The following KIAA0825 variants were observed in gnomAD, a reference collection of about 807,000 sequenced individuals.
KIAA0825 encodes uncharacterized protein KIAA0825.
In KIAA0825, 119 loss-of-function variants were observed where a neutral mutation model predicts 147.6. That is an observed-to-expected ratio of 0.81 (90% confidence interval 0.69 to 0.94). The LOEUF is 0.94. Among genes scored for constraint, KIAA0825 ranks in the 40% least tolerant of loss-of-function variants. The pLI, the probability that KIAA0825 is intolerant of heterozygous loss-of-function variation, is 0.00. For missense variants in KIAA0825, 1,381 were observed against 1,472.7 expected (o/e 0.94, Z 1.02); for synonymous variants, 470 against 518.1 (o/e 0.91, Z 1.26).
chr5:94,257,214 G>C (rs1355133980), intron 20 of KIAA0825, among the ~76,000 whole-genome samples: 2 of 152,090 alleles, frequency 1.3e-5, no homozygotes, highest in Non-Finnish European at 2.9e-5. Context: ...CTTCTAGGAA[G>C]TAGTTTGCTA....
chr5:94,396,611 G>T (rs942536368), intron 16 of KIAA0825, 102 bp from the exon 17 acceptor site: 7 of 959,870 alleles, frequency 7.3e-6, no homozygotes, highest in Non-Finnish European at 1.0e-5. Flanking sequence ...GGAGAAAATT[G>T]GCAAGAAGAT....
intron 13 of KIAA0825, among the ~76,000 whole-genome samples, chr5:94,443,471 T>C (rs1757362948): frequency 6.6e-6 from 1 of 152,002 alleles, no homozygotes; most frequent in Non-Finnish European, 1.5e-5. Context: ...TCATAAATCT[T>C]GTACTAGGAG....
intron 14 of KIAA0825, among the ~76,000 whole-genome samples, chr5:94,423,557 C>T (rs1184654054): frequency 1.3e-5 from 2 of 152,118 alleles, no homozygotes; most frequent in Non-Finnish European, 2.9e-5. Flanking sequence ...CTTTCCCAGC[C>T]TGCTTAATTT....
At chr5:94,511,642 A>G (rs1464078923) in intron 5 of KIAA0825, among the ~76,000 whole-genome samples, 3 of 151,920 alleles carry the variant, frequency 2.0e-5, no homozygotes, top group Non-Finnish European at 4.4e-5. Flanking sequence ...ACAAAAACAA[A>G]AAACAGTGAA....
At chr5:94,529,985 T>A (rs1186933860) in intron 3 of KIAA0825, among the ~76,000 whole-genome samples, 1 of 152,052 alleles carries the variant, frequency 6.6e-6, no homozygotes, top group Non-Finnish European at 1.5e-5. Context: ...AAAATGGACT[T>A]ACTAGCTGGG....
chr5:94,287,268 A>G (rs1468598823), intron 20 of KIAA0825, among the ~76,000 whole-genome samples: 1 of 152,166 alleles, frequency 6.6e-6, no homozygotes, highest in Non-Finnish European at 1.5e-5. Context: ...GTAGCTATCA[A>G]CATAATACAA....
intron 16 of KIAA0825, 145 bp from the exon 17 acceptor site, chr5:94,396,654 C>T (rs187231739): frequency 7.2e-6 from 4 of 557,966 alleles, no homozygotes; most frequent in African/African-American, 2.0e-5. Flanking sequence ...AGAACTCTAA[C>T]CGGGGTCTCT....
chr5:94,207,466 T>G (rs1772310376), intron 20 of KIAA0825, among the ~76,000 whole-genome samples: 1 of 152,198 alleles, frequency 6.6e-6, no homozygotes, highest in African/African-American at 2.4e-5. Context: ...CAATGCCTAC[T>G]CCTCATCAAG....
chr5:94,424,656 A>G (rs984632226), intron 14 of KIAA0825, among the ~76,000 whole-genome samples: 3 of 152,160 alleles, frequency 2.0e-5, no homozygotes, highest in Non-Finnish European at 4.4e-5. Flanking sequence ...TGAAGGAAAG[A>G]AATCATAAAG....
intron 5 of KIAA0825, among the ~76,000 whole-genome samples, chr5:94,517,687 T>A (rs1767477108): frequency 6.6e-6 from 1 of 150,842 alleles, no homozygotes; most frequent in African/African-American, 2.4e-5. Context: ...TAAATTTAAA[T>A]AAATTAAATT....
In KIAA0825 at chr5:94,152,934, A is replaced by G. The variant is rs1306288270; in HGVS notation, c.*1073T>C. ...CTCCCAGACGTTCTTAGACTGCCCA[A>G]CCATGCAATTCTCTTTGTTGTCTTT... On this transcript the variant is annotated 3_prime_UTR_variant, in exon 21 of 21. Transcript: ENST00000682413. 9.2e-6 allele frequency: 1 copy of G among 108,146 alleles called. No individual in the cohort carries two copies. The highest frequency in any genetic ancestry group is 3.5e-5 in the African/African-American group (1 of 28,366). The allele number at this position is 108,146 out of a possible 1,614,324, so 6.7% of individuals were successfully genotyped here.
At chr5:94,453,394 C>T (rs2150912517) in intron 12 of KIAA0825, among the ~76,000 whole-genome samples, 1 of 143,418 alleles carries the variant, frequency 7.0e-6, no homozygotes, top group African/African-American at 2.6e-5. Flanking sequence ...AACATGTTGT[C>T]CAGGCTGGTC....
intron 10 of KIAA0825, among the ~76,000 whole-genome samples, chr5:94,467,670 C>A (rs1260738415): frequency 6.6e-6 from 1 of 152,200 alleles, no homozygotes; most frequent in Non-Finnish European, 1.5e-5. Flanking sequence ...AAAACATGAG[C>A]AAACATTGCT....
chr5:94,431,522 T>A (rs1755663044), intron 14 of KIAA0825, among the ~76,000 whole-genome samples: 1 of 152,168 alleles, frequency 6.6e-6, no homozygotes, highest in Admixed American at 6.5e-5. Context: ...AACATTTCAC[T>A]TAAAATTGTG....
At chr5:94,475,047 C>A (rs1761703595) in intron 7 of KIAA0825, among the ~76,000 whole-genome samples, 2 of 151,708 alleles carry the variant, frequency 1.3e-5, no homozygotes, top group African/African-American at 4.8e-5. Flanking sequence ...CGAGATGGCA[C>A]CACTGCACTC....
chr5:94,296,487 C>T (rs186018729), intron 20 of KIAA0825, among the ~76,000 whole-genome samples: 57 of 152,234 alleles, frequency 3.7e-4, no homozygotes, highest in African/African-American at 1.3e-3. Context: ...GGTGTCTGCC[C>T]AAGTGGCCAC....
At position 94,529,932 on chromosome 5, in the gene KIAA0825, A is replaced by G. The variant is rs1333744284; in HGVS notation, c.132-5834T>C. On this transcript the variant is annotated intron_variant, in intron 3 of 20. Transcript: ENST00000682413. Reference sequence around the variant, plus strand: ...GTGAAAATACAGTGAAGAACAAGTAATATTTTGATTTCCTCAAAGTGGAAA... The same window carrying G: ...GTGAAAATACAGTGAAGAACAAGTAGTATTTTGATTTCCTCAAAGTGGAAA... Among the ~76,000 whole-genome samples the G allele has an allele frequency of 2.0e-5, 3 of 152,176 alleles. 1 individual carries two copies. Among genetic ancestry groups the G allele is most frequent in the African/African-American group, 7.2e-5 (3 of 41,440 alleles).
At chr5:94,503,221 AT>A (rs1765302767) in intron 5 of KIAA0825, among the ~76,000 whole-genome samples, 2 of 151,926 alleles carry the variant, frequency 1.3e-5, no homozygotes, top group African/African-American at 4.8e-5. Context: ...CACAATGTAA[AT>A]CTAGGCCCTT....
intron 1 of KIAA0825, among the ~76,000 whole-genome samples, chr5:94,586,452 A>C (rs1382823878): frequency 2.0e-5 from 3 of 152,220 alleles, no homozygotes; most frequent in African/African-American, 7.2e-5. Context: ...GAAATGGATA[A>C]ATTCCTGGAC....
Sources: allele counts gnomAD v4.1 joint callset (sites outside exome capture counted in the v4.1 genomes callset), GRCh38; gene constraint gnomAD v4.1.1; transcripts MANE v1.5; gene names NCBI Gene and HGNC (gene_info 2026-07-23, HGNC 2026-07-21).